The following PXDNL variants were observed in gnomAD, a reference collection of about 807,000 sequenced individuals.
The protein encoded by PXDNL is peroxidasin like, also known as probable oxidoreductase PXDNL.
A neutral mutation model predicts 150.8 loss-of-function variants in PXDNL; 145 were observed. The observed-to-expected ratio is 0.96, with a 90% confidence interval of 0.84 to 1.10. PXDNL has a LOEUF of 1.10. Among genes scored for constraint, PXDNL ranks in the 50% least tolerant of loss-of-function variants. The pLI is 0.00. For missense variants in PXDNL, 2,087 were observed against 1,873.9 expected (o/e 1.11, Z -2.10); for synonymous variants, 757 against 725.7 (o/e 1.04, Z -0.69).
intron 4 of PXDNL, among the ~76,000 whole-genome samples, chr8:51,529,411 A>C (rs57492114): frequency 0.024 from 3,678 of 152,250 alleles, 135 homozygotes; most frequent in African/African-American, 0.084. Context: ...AGCATTGCCC[A>C]CAGGTTATTA....
chr8:51,646,118 G>C (rs1224206105), intron 2 of PXDNL, among the ~76,000 whole-genome samples: 2 of 152,174 alleles, frequency 1.3e-5, no homozygotes, highest in Non-Finnish European at 2.9e-5. Flanking sequence ...AAATTTGCAG[G>C]TAGGGCCCCT....
intron 17 of PXDNL, among the ~76,000 whole-genome samples, chr8:51,382,323 T>G (rs915850551): frequency 3.3e-5 from 5 of 152,186 alleles, no homozygotes; most frequent in Admixed American, 3.3e-4. Flanking sequence ...AGCGTGGCCC[T>G]GCTGACACCT....
intron 4 of PXDNL, among the ~76,000 whole-genome samples, chr8:51,505,407 T>C (rs905237153): frequency 2.6e-5 from 4 of 152,228 alleles, no homozygotes; most frequent in Non-Finnish European, 4.4e-5. Context: ...CTGTGCCGTA[T>C]GATCACCTTG....
chr8:51,659,774 G>A (rs1393158867), intron 1 of PXDNL, among the ~76,000 whole-genome samples: 1 of 151,996 alleles, frequency 6.6e-6, no homozygotes, highest in Non-Finnish European at 1.5e-5. Flanking sequence ...GGATTTTAGG[G>A]CAAATTTTAC....
intron 1 of PXDNL, among the ~76,000 whole-genome samples, chr8:51,686,448 G>T (rs1815875146): frequency 2.0e-5 from 3 of 152,202 alleles, no homozygotes; most frequent in South Asian, 4.1e-4. Flanking sequence ...AGCAGTAATT[G>T]CTAGTGGTTC....
intron 2 of PXDNL, among the ~76,000 whole-genome samples, chr8:51,644,440 A>T (rs113077681): frequency 7.8e-6 from 1 of 127,420 alleles, no homozygotes; most frequent in Non-Finnish European, 1.7e-5. Flanking sequence ...ATGTGTGTGT[A>T]TATATATATG....
chr8:51,660,614 A>G (rs1024647843), intron 1 of PXDNL, among the ~76,000 whole-genome samples: 5 of 152,146 alleles, frequency 3.3e-5, no homozygotes, highest in African/African-American at 9.7e-5. Context: ...AAAAAGATCA[A>G]CCAGATCTGT....
chr8:51,683,376 G>A (rs992730539), intron 1 of PXDNL, among the ~76,000 whole-genome samples: 1 of 151,018 alleles, frequency 6.6e-6, no homozygotes, highest in African/African-American at 2.4e-5. Flanking sequence ...GTCTTCTTTG[G>A]AGAAATGATT....
chr8:51,634,964 T>G (rs1377429898), intron 2 of PXDNL, among the ~76,000 whole-genome samples: 1 of 152,134 alleles, frequency 6.6e-6, no homozygotes, highest in Non-Finnish European at 1.5e-5. Context: ...TTGGAAGTCT[T>G]TTATTTCTTT....
At position 51,491,596 on chromosome 8, in the gene PXDNL, C is replaced by T. The variant is rs551844634; in HGVS notation, c.453-7882G>A. On this transcript the variant is annotated intron_variant, in intron 5 of 22. Coordinates refer to ENST00000356297, the MANE Select transcript of PXDNL (RefSeq NM_144651.5). ...GTCCCTTCTATAAAGGCAAACCCCA[C>T]CACCACTGCCATGGGCCTGCCTGCC... Among the ~76,000 whole-genome samples, 198 of 152,330 alleles carry T rather than the reference C, an allele frequency of 1.3e-3. 3 individuals are homozygous for T. The South Asian group carries it at 0.022, about 17-fold the overall frequency.
At chr8:51,656,991 C>CA (rs1554563280) in intron 1 of PXDNL, among the ~76,000 whole-genome samples, 4 of 152,050 alleles carry the variant, frequency 2.6e-5, no homozygotes, top group Middle Eastern at 6.8e-3. Flanking sequence ...TGACTTATGA[C>CA]GGGGTTATGT....
At chr8:51,432,977 G>T (rs918208239) in intron 12 of PXDNL, among the ~76,000 whole-genome samples, 4 of 152,128 alleles carry the variant, frequency 2.6e-5, no homozygotes, top group African/African-American at 9.7e-5. Context: ...GGAGGCCAAG[G>T]CGGGTGGGGA....
At chr8:51,496,372 G>A (rs1055332817) in intron 5 of PXDNL, among the ~76,000 whole-genome samples, 5 of 152,272 alleles carry the variant, frequency 3.3e-5, no homozygotes, top group African/African-American at 9.6e-5. Flanking sequence ...ATGGGCACAA[G>A]ACAGGGATGC....
intron 1 of PXDNL, among the ~76,000 whole-genome samples, chr8:51,699,901 G>A (rs1326242665): frequency 6.6e-6 from 1 of 152,054 alleles, no homozygotes; most frequent in Non-Finnish European, 1.5e-5. Context: ...GACATGGTTC[G>A]TAGCACCCTA....
At chr8:51,691,768 A>G (rs949881514) in intron 1 of PXDNL, among the ~76,000 whole-genome samples, 21 of 152,074 alleles carry the variant, frequency 1.4e-4, no homozygotes, top group African/African-American at 5.1e-4. Context: ...TACCTTATGA[A>G]CGTTTTTACC....
chr8:51,417,089 C>T (rs79635112), intron 14 of PXDNL, among the ~76,000 whole-genome samples: 7,450 of 152,184 alleles, frequency 0.049, 193 homozygotes, highest in East Asian at 0.074. Context: ...GTTGGGGACA[C>T]ATTAGAATTA....
intron 1 of PXDNL, among the ~76,000 whole-genome samples, chr8:51,696,640 C>T (rs1409765853): frequency 1.4e-5 from 2 of 143,532 alleles, no homozygotes; most frequent in African/African-American, 2.6e-5. Flanking sequence ...CACAGGCATA[C>T]GCACATCCAC....
intron 1 of PXDNL, among the ~76,000 whole-genome samples, chr8:51,741,782 C>T (rs2036908978): frequency 6.6e-6 from 1 of 152,158 alleles, no homozygotes; most frequent in African/African-American, 2.4e-5. Context: ...ATTACTCACA[C>T]GTCGCTGGTG....
chr8:51,501,296 TCACA>T (rs973620469), intron 4 of PXDNL, among the ~76,000 whole-genome samples: 17 of 151,946 alleles, frequency 1.1e-4, no homozygotes, highest in African/African-American at 3.9e-4. Context: ...TAACAGACTC[TCACA>T]CACACAGACA....
Sources: gnomAD v4.1 joint callset for allele counts (sites outside exome capture counted in the v4.1 genomes callset) on GRCh38, gnomAD v4.1.1 for gene constraint, MANE v1.5 for transcripts, NCBI Gene and HGNC (gene_info 2026-07-23, HGNC 2026-07-21) for gene names.